Variants in TMEM9 observed in about 807,000 individuals in gnomAD.
TMEM9 encodes transmembrane protein 9.
In TMEM9, 13 loss-of-function variants were observed where a neutral mutation model predicts 22.8. That is an observed-to-expected ratio of 0.57 (90% CI 0.37 to 0.91). The LOEUF (loss-of-function observed/expected upper bound fraction) is 0.91. TMEM9 is among the 40% of genes least tolerant of loss of function. The probability of loss-of-function intolerance (pLI) is 0.01; values close to 1 mark genes in which losing one functional copy is unlikely to be tolerated. For missense variants in TMEM9, 182 were observed against 238.1 expected (o/e 0.76, Z 1.55); for synonymous variants, 88 against 93.0 (o/e 0.95, Z 0.31).
At chr1:201,142,532 A>C (rs1664618403) in intron 4 of TMEM9, among the ~76,000 whole-genome samples, 1 of 152,234 alleles carries the variant, frequency 6.6e-6, no homozygotes, top group Non-Finnish European at 1.5e-5. Context: ...TTCTGAAGGC[A>C]GCTATCATGC....
chr1:201,141,989 T>C (rs537074099), intron 4 of TMEM9, among the ~76,000 whole-genome samples: 1 of 152,322 alleles, frequency 6.6e-6, no homozygotes, highest in East Asian at 1.9e-4. Context: ...AATTACCACA[T>C]TACCCCTAAT....
At chr1:201,142,846 C>G (rs1456351167) in intron 4 of TMEM9, among the ~76,000 whole-genome samples, 2 of 152,224 alleles carry the variant, frequency 1.3e-5, no homozygotes, top group Non-Finnish European at 1.5e-5. Context: ...AAAGGGGGAG[C>G]CCGAGGCACA....
At chr1:201,168,587 C>A (rs12096352) in intron 1 of TMEM9, among the ~76,000 whole-genome samples, 1 of 152,040 alleles carries the variant, frequency 6.6e-6, no homozygotes, top group Non-Finnish European at 1.5e-5. Context: ...GGTGTGGTGG[C>A]GCATGCCTGT....
chr1:201,167,948 A>T (rs114133233), intron 1 of TMEM9, among the ~76,000 whole-genome samples: 2,884 of 152,282 alleles, frequency 0.019, 54 homozygotes, highest in South Asian at 0.069. Context: ...GGTAACTAGT[A>T]TTCTGAGTTT....
At chr1:201,148,967 C>T (rs1665213769) in intron 2 of TMEM9, among the ~76,000 whole-genome samples, 1 of 152,230 alleles carries the variant, frequency 6.6e-6, no homozygotes, top group African/African-American at 2.4e-5. Context: ...TTCCCTTCTC[C>T]AGGAAGTCTC....
rs750917010 is a variant in TMEM9, at chr1:201,146,739, C to T, written c.267+1G>A. The T allele has an allele frequency of 1.7e-5, 27 of 1,614,188 alleles. No homozygotes were observed. Among genetic ancestry groups the T allele is most frequent in the Non-Finnish European group, 2.3e-5 (27 of 1,180,004 alleles). ...CTGGCTTCCTGAGACCCTGGCGTTA[C>T]CTTGATGGTGGTGGTGCTGCGCTCC... is the stretch of plus-strand genomic sequence containing the variant. On this transcript the variant is annotated splice_donor_variant, in intron 3 of 4. Coordinates refer to ENST00000367330, the MANE Select transcript of TMEM9 (RefSeq NM_001288565.2). LOFTEE classifies it high-confidence loss of function.
At chr1:201,142,389 T>C (rs911623036) in intron 4 of TMEM9, among the ~76,000 whole-genome samples, 17 of 152,172 alleles carry the variant, frequency 1.1e-4, no homozygotes, top group African/African-American at 3.6e-4. Context: ...AACTGGCTCA[T>C]GGTCTTGCAA....
chr1:201,139,181 G>T (rs1572099720), intron 4 of TMEM9, among the ~76,000 whole-genome samples: 1 of 152,244 alleles, frequency 6.6e-6, no homozygotes, highest in Middle Eastern at 3.4e-3. Context: ...AAGGAGACAG[G>T]GAGAGTGAGA....
rs558156424 is a variant in TMEM9 at position 201,146,434 on chromosome 1, A to C, written c.267+306T>G. ...GCACCGAAAAGAGATTTACTGGATG[A>C]ATAGAAGAAGGGAGAGGAACGAAAT... is the stretch of plus-strand genomic sequence containing the variant. On this transcript the variant is annotated intron_variant, in intron 3 of 4. Transcript: ENST00000367330. Among the ~76,000 whole-genome samples, 6 of 152,356 alleles carry C rather than the reference A, an allele frequency of 3.9e-5. No homozygotes were observed. The East Asian group carries it at 1.2e-3, about 29-fold the overall frequency.
At chr1:201,158,314 G>C (rs1665854767), upstream of TMEM9, among the ~76,000 whole-genome samples, 1 of 152,140 alleles carries the variant, frequency 6.6e-6, no homozygotes, top group Non-Finnish European at 1.5e-5. Flanking sequence ...GTTGTTTGAA[G>C]CCACCAGGTT....
intron 4 of TMEM9, among the ~76,000 whole-genome samples, chr1:201,139,279 A>G (rs1378234071): frequency 6.6e-6 from 1 of 152,194 alleles, no homozygotes; most frequent in Admixed American, 6.5e-5. Context: ...AGGTGGTCTC[A>G]TCACTTACCA....
At chr1:201,168,205 C>T (rs1353471010) in intron 1 of TMEM9, among the ~76,000 whole-genome samples, 2 of 152,140 alleles carry the variant, frequency 1.3e-5, no homozygotes, top group East Asian at 3.8e-4. Flanking sequence ...CTATTGTGAA[C>T]AAAGCTACTA....
chr1:201,153,731 G>C, intron 1 of TMEM9, 127 bp downstream of exon 1: 10 of 1,554,704 alleles, frequency 6.4e-6, no homozygotes, highest in Non-Finnish European at 8.7e-6. Flanking sequence ...ACCACTAAAA[G>C]AAGTATGGCC....
chr1:201,152,857 C>G (rs920243545), intron 1 of TMEM9, among the ~76,000 whole-genome samples: 13 of 152,228 alleles, frequency 8.5e-5, no homozygotes, highest in African/African-American at 3.1e-4. Flanking sequence ...AGAGCGCATT[C>G]ATAACAGAAC....
At chr1:201,137,505 CACACACACACAG>C (rs1477813337) in intron 4 of TMEM9, among the ~76,000 whole-genome samples, 6 of 150,706 alleles carry the variant, frequency 4.0e-5, no homozygotes, top group South Asian at 4.2e-4. Flanking sequence ...CACACACACA[CACACACACACAG>C]AGTGAAAAGA....
intron 1 of TMEM9, among the ~76,000 whole-genome samples, chr1:201,168,967 C>T (rs1006440899): frequency 7.8e-6 from 1 of 128,572 alleles, no homozygotes; most frequent in Non-Finnish European, 1.6e-5. Context: ...AATTATATTA[C>T]TTTTTTTTTT....
chr1:201,138,213 G>C (rs555585712), intron 4 of TMEM9, among the ~76,000 whole-genome samples: 1 of 152,310 alleles, frequency 6.6e-6, no homozygotes, highest in South Asian at 2.1e-4. Context: ...GGAGCGTCTT[G>C]AGAAGGGGAA....
intron 1 of TMEM9, among the ~76,000 whole-genome samples, chr1:201,163,013 T>C (rs1665986262): frequency 6.6e-6 from 1 of 152,140 alleles, no homozygotes; most frequent in South Asian, 2.1e-4. Context: ...AGGCAGAGTG[T>C]GGTGGCTCAT....
chr1:201,161,671 T>C (rs570119060), intron 1 of TMEM9, among the ~76,000 whole-genome samples: 1 of 152,354 alleles, frequency 6.6e-6, no homozygotes, highest in Admixed American at 6.5e-5. Flanking sequence ...TGTGAATCCC[T>C]TACAATACAT....
Sources: allele counts gnomAD v4.1 joint callset (sites outside exome capture counted in the v4.1 genomes callset), GRCh38; gene constraint gnomAD v4.1.1; transcripts MANE v1.5; gene names NCBI Gene and HGNC (gene_info 2026-07-23, HGNC 2026-07-21).